The following GRM3 variants were observed in gnomAD, a reference collection of about 807,000 sequenced individuals.
The protein encoded by GRM3 is metabotropic glutamate receptor 3.
GRM3 carries 26 observed loss-of-function variants against 70.5 expected under a neutral mutation model. The ratio of observed to expected loss-of-function variants is 0.37; its 90% CI spans 0.27 to 0.51. The LOEUF (loss-of-function observed/expected upper bound fraction) is 0.51, where lower values mean the gene tolerates loss of function less well. Among genes scored for constraint, GRM3 ranks in the 20% least tolerant of loss-of-function variants. GRM3 has a pLI of 0.93. For missense variants in GRM3, 859 were observed against 1,123.8 expected (o/e 0.76, Z 3.37); for synonymous variants, 443 against 434.9 (o/e 1.02, Z -0.23).
chr7:86,652,587 G>T (rs1228277709), intron 1 of GRM3, among the ~76,000 whole-genome samples: 1 of 152,100 alleles, frequency 6.6e-6, no homozygotes, highest in Non-Finnish European at 1.5e-5. Flanking sequence ...CCTTGGCCTC[G>T]AAAAGTGCTG....
At chr7:86,684,732 T>A (rs1458676835) in intron 1 of GRM3, among the ~76,000 whole-genome samples, 1 of 152,208 alleles carries the variant, frequency 6.6e-6, no homozygotes, top group Non-Finnish European at 1.5e-5. Context: ...AATCAAGGAA[T>A]AATGACATCC....
At chr7:86,765,735 T>C in intron 2 of GRM3, 122 bp downstream of exon 2, 1 of 799,732 alleles carries the variant, frequency 1.3e-6, no homozygotes, top group Non-Finnish European at 1.9e-6. Context: ...CAATTATTAA[T>C]TTTTCTAGTT....
Position 86,644,727 on chromosome 7 carries a change from T to G in GRM3, c.-286T>G. ...TTCGAGGGCAAAATAAGTTCTCCCT[T>G]GGATTTGGAAAGGACAAAGCCAGTA... is the stretch of plus-strand genomic sequence containing the variant. On this transcript the variant is annotated 5_prime_UTR_variant, in exon 1 of 6. Coordinates refer to ENST00000361669, the MANE Select transcript of GRM3 (RefSeq NM_000840.3). 2.6e-6 allele frequency: 3 copies of G among 1,171,924 alleles called. No homozygotes were observed. The highest frequency in any genetic ancestry group is 2.3e-6 in the Non-Finnish European group (2 of 881,124). The allele number at this position is 1,171,924 out of a possible 1,614,324, so 72.6% of individuals were successfully genotyped here.
At chr7:86,819,447 A>G (rs185258965) in intron 3 of GRM3, among the ~76,000 whole-genome samples, 300 of 152,232 alleles carry the variant, frequency 2.0e-3, no homozygotes, top group Non-Finnish European at 3.5e-3. Context: ...AATAAGGACA[A>G]TCATAACTAA....
intron 1 of GRM3, among the ~76,000 whole-genome samples, chr7:86,730,367 C>T (rs2116273063): frequency 6.6e-6 from 1 of 152,296 alleles, no homozygotes; most frequent in South Asian, 2.1e-4. Flanking sequence ...TTGCAGTGAG[C>T]CAAGATCGTG....
At chr7:86,673,827 A>T (rs1794235680) in intron 1 of GRM3, among the ~76,000 whole-genome samples, 1 of 151,854 alleles carries the variant, frequency 6.6e-6, no homozygotes, top group Non-Finnish European at 1.5e-5. Context: ...ATCAACATTG[A>T]CTCCTTCTTC....
intron 1 of GRM3, among the ~76,000 whole-genome samples, chr7:86,684,856 T>A (rs1794525997): frequency 6.6e-6 from 1 of 152,170 alleles, no homozygotes; most frequent in African/African-American, 2.4e-5. Flanking sequence ...CCATGGGCAA[T>A]TTATTAGACC....
At chr7:86,815,715 A>G (rs753579144) in intron 3 of GRM3, among the ~76,000 whole-genome samples, 13 of 152,042 alleles carry the variant, frequency 8.6e-5, no homozygotes, top group Admixed American at 3.3e-4. Flanking sequence ...AAGAAGCACT[A>G]TGAATAACTA....
rs1584137220 is a variant in GRM3 at position 86,648,926 on chromosome 7, G to A, written c.-141+4054G>A. On this transcript the variant is annotated intron_variant, in intron 1 of 5. Coordinates refer to ENST00000361669, the MANE Select transcript of GRM3 (RefSeq NM_000840.3). The stretch of plus-strand genomic sequence containing the variant: ...TAGAGGAGTAAATGATATAAATCAG[G>A]AAATAAGTTCCTAGGTTACACTTAG... 2.0e-5 allele frequency among the ~76,000 whole-genome samples: 3 copies of A among 152,140 alleles called. No homozygotes were observed. The South Asian group carries it at 6.2e-4, about 32-fold the overall frequency.
chr7:86,764,997 T>C lies in GRM3; in HGVS notation c.-140-9T>C, dbSNP rs1796566007. 8.2e-6 allele frequency: 12 copies of C among 1,456,368 alleles called. No homozygotes were observed. The highest frequency in any genetic ancestry group is 3.1e-5 in the South Asian group (2 of 64,160). The allele number at this position is 1,456,368 out of a possible 1,614,324, so 90.2% of individuals were successfully genotyped here. A position where few individuals can be genotyped will look rare whatever the true frequency, so the allele number is the denominator to read the frequency against. On this transcript the variant is annotated splice_polypyrimidine_tract_variant and intron_variant, in intron 1 of 5. Transcript: ENST00000361669. ...ACCATTTTTGTTCATATAATTTTTA[T>C]CTCTTTAGGAATTTTGTGACAGGCT...
chr7:86,667,154 A>G (rs1039023962), intron 1 of GRM3, among the ~76,000 whole-genome samples: 4 of 152,064 alleles, frequency 2.6e-5, no homozygotes, highest in Non-Finnish European at 5.9e-5. Flanking sequence ...TTGTAAAATG[A>G]CTGATGTTCT....
Position 86,786,298 on chromosome 7 carries a change from T to A in GRM3, c.506T>A (p.Ile169Asn). The change falls in exon 3 of 6, where the codon ATC (isoleucine) becomes AAC (asparagine). Residue 169 changes from isoleucine (I) to asparagine (N), a missense_variant. By Grantham distance (149) the Ile-to-Asn change is moderately radical. Coordinates refer to ENST00000361669, the MANE Select transcript of GRM3 (RefSeq NM_000840.3). The surrounding 1 kb of genome is among the most constrained non-coding windows in gnomAD (Gnocchi z 6.0). ...CTGCGGCTCTTCCAGATCCCTCAGATCAGCTACGCATCCACCAGCGCCAAA... is the reference window on the plus strand; with the variant it reads ...CTGCGGCTCTTCCAGATCCCTCAGAACAGCTACGCATCCACCAGCGCCAAA... ...NLLRLFQIPQISYASTSAKLS... is the reference protein window; with the variant it reads ...NLLRLFQIPQNSYASTSAKLS... 6.2e-7 allele frequency: 1 copy of A among 1,614,022 alleles called. No individual in the cohort carries two copies.
chr7:86,690,039 A>C (rs1227488335), intron 1 of GRM3, among the ~76,000 whole-genome samples: 3 of 151,370 alleles, frequency 2.0e-5, no homozygotes, highest in Non-Finnish European at 4.4e-5. Flanking sequence ...CAGTGAAGTA[A>C]ATAAAATGAA....
intron 5 of GRM3, among the ~76,000 whole-genome samples, chr7:86,856,067 A>G (rs1159989605): frequency 1.3e-5 from 2 of 152,214 alleles, no homozygotes; most frequent in Non-Finnish European, 2.9e-5. Flanking sequence ...GTATTCAGCA[A>G]GTCAAGCCAG....
intron 5 of GRM3, among the ~76,000 whole-genome samples, chr7:86,858,819 C>G (rs1349898077): frequency 6.6e-6 from 1 of 152,066 alleles, no homozygotes; most frequent in Non-Finnish European, 1.5e-5. Context: ...AGTTCTACTC[C>G]CCATTTGGAA....
intron 3 of GRM3, among the ~76,000 whole-genome samples, chr7:86,799,811 G>T (rs949530773): frequency 2.6e-5 from 4 of 152,194 alleles, no homozygotes; most frequent in Non-Finnish European, 5.9e-5. Flanking sequence ...TTACAGGCGT[G>T]AGCCACCATG....
At chr7:86,734,153 G>T (rs1005703978) in intron 1 of GRM3, among the ~76,000 whole-genome samples, 10 of 152,154 alleles carry the variant, frequency 6.6e-5, no homozygotes, top group African/African-American at 2.4e-4. Flanking sequence ...GCTATAAGGA[G>T]CCATATTTAG....
intron 1 of GRM3, among the ~76,000 whole-genome samples, chr7:86,671,871 C>T (rs779078464): frequency 6.6e-6 from 1 of 152,166 alleles, no homozygotes; most frequent in African/African-American, 2.4e-5. Flanking sequence ...TATCCATTTA[C>T]TGACCTTGAA....
intron 1 of GRM3, among the ~76,000 whole-genome samples, chr7:86,736,901 G>A (rs1795874837): frequency 6.6e-6 from 1 of 151,974 alleles, no homozygotes; most frequent in African/African-American, 2.4e-5. Flanking sequence ...GCAGATGTGT[G>A]TTTCCTTAAA....
Sources: allele counts gnomAD v4.1 joint callset (sites outside exome capture counted in the v4.1 genomes callset), GRCh38; gene constraint gnomAD v4.1.1; non-coding constraint Gnocchi (gnomAD v3.1); transcripts MANE v1.5; gene names NCBI Gene and HGNC (gene_info 2026-07-23, HGNC 2026-07-21).